The following EPC1 variants were observed in gnomAD, a reference collection of about 807,000 sequenced individuals.
The protein encoded by EPC1 is enhancer of polycomb homolog 1.
In EPC1, 12 loss-of-function variants were observed where a neutral mutation model predicts 98.4. That is an observed-to-expected ratio of 0.12 (90% CI 0.08 to 0.20). EPC1 has a LOEUF of 0.20. EPC1 is among the 10% of genes least tolerant of loss of function. The pLI is 1.00. For missense variants in EPC1, 729 were observed against 990.5 expected, an observed-to-expected ratio of 0.74 and a Z score of 3.54; for synonymous variants, 357 against 363.9, an observed-to-expected ratio of 0.98 and a Z score of 0.21.
intron 1 of EPC1, among the ~76,000 whole-genome samples, chr10:32,319,432 GACCATACTTTC>G (rs1043612081): frequency 3.9e-5 from 6 of 152,248 alleles, no homozygotes; most frequent in Middle Eastern, 3.4e-3. Flanking sequence ...GGAGAAACTG[GACCATACTTTC>G]ACCAGATGGT....
intron 1 of EPC1, among the ~76,000 whole-genome samples, chr10:32,316,469 G>A (rs901107404): frequency 3.3e-5 from 5 of 152,144 alleles, no homozygotes; most frequent in Non-Finnish European, 7.3e-5. Flanking sequence ...AAGCCATACA[G>A]CAGACTACTA....
At position 32,268,443 on chromosome 10, in the gene EPC1, T is replaced by A; in HGVS notation, c.*620A>T. 1 of 690 alleles carries A rather than the reference T, an allele frequency of 1.4e-3. No individual in the cohort carries two copies. Among genetic ancestry groups the A allele is most frequent in the Admixed American group, 0.033 (1 of 30 alleles). 0.0% of individuals were successfully genotyped at this position (690 alleles called of 1,614,324 possible). A position where few individuals can be genotyped will look rare whatever the true frequency, so the allele number is the denominator to read the frequency against. ...CATTTTTAAAAAAACTGATGCCTTT[T>A]TTTTTTTTTTTTTTTTTGTAAAATT... On this transcript the variant is annotated 3_prime_UTR_variant, in exon 14 of 14. Transcript: ENST00000319778.
intron 13 of EPC1, among the ~76,000 whole-genome samples, chr10:32,270,356 T>G (rs1413877612): frequency 6.6e-6 from 1 of 152,218 alleles, no homozygotes; most frequent in Non-Finnish European, 1.5e-5. Flanking sequence ...CTTTTGTTTC[T>G]CCCACAGTAC....
intron 1 of EPC1, among the ~76,000 whole-genome samples, chr10:32,315,055 C>CT (rs1176349062): frequency 1.3e-5 from 2 of 152,218 alleles, no homozygotes; most frequent in Non-Finnish European, 2.9e-5. Flanking sequence ...AATGTGAGCT[C>CT]TTTAAGAGTA....
intron 6 of EPC1, among the ~76,000 whole-genome samples, chr10:32,290,519 A>AAGAAAGAAAGAAAAACT (rs1836951431): frequency 1.3e-5 from 2 of 149,564 alleles, no homozygotes; most frequent in Non-Finnish European, 3.0e-5. Context: ...GAAAGAAAGA[A>AAGAAAGAAAGAAAAACT]AAACTCATCT....
intron 2 of EPC1, among the ~76,000 whole-genome samples, chr10:32,297,910 G>A (rs548053209): frequency 2.2e-4 from 33 of 152,114 alleles, no homozygotes; most frequent in East Asian, 1.4e-3. Context: ...CCATTCTCCT[G>A]CCTCGGCCTC....
intron 1 of EPC1, among the ~76,000 whole-genome samples, chr10:32,360,814 A>C (rs1182449380): frequency 6.6e-6 from 1 of 151,994 alleles, no homozygotes; most frequent in Non-Finnish European, 1.5e-5. Context: ...GAATTGCTTG[A>C]ACCCAGGAGG....
At chr10:32,358,141 C>T (rs1192072051) in intron 1 of EPC1, among the ~76,000 whole-genome samples, 4 of 152,136 alleles carry the variant, frequency 2.6e-5, no homozygotes, top group African/African-American at 9.7e-5. Flanking sequence ...AGGCATGAGC[C>T]ATCACGCCCA....
chr10:32,292,576 A>G lies in EPC1; in HGVS notation c.735T>C (p.Val245=). The G allele has an allele frequency of 6.2e-7, 1 of 1,609,266 alleles. No homozygotes were observed. The part of the protein sequence containing the change: ...LKLRRDLSRA[V]TILEMIKRRE... ...TTCTTTTTATCATCTCTAGAATAGTAACAGCTCGACTTAGATCTCGTCGCA... is the reference window on the plus strand; with the variant it reads ...TTCTTTTTATCATCTCTAGAATAGTGACAGCTCGACTTAGATCTCGTCGCA... The change falls in exon 5 of 14, where the codon GTT becomes GTC. Residue 245 remains valine (V), a synonymous_variant. Coordinates refer to ENST00000319778, the MANE Select transcript of EPC1 (RefSeq NM_001272004.3).
At position 32,332,947 on chromosome 10, in the gene EPC1, TAGAAA is replaced by T. The variant is rs544793570; in HGVS notation, c.153+13811_153+13815del. ...GTATTTCATAAGGCTACAAGGAGAA[TAGAAA>T]AGTGAGGTAGATGTTATTGGAAACT... On this transcript the variant is annotated intron_variant, in intron 1 of 13. Transcript: ENST00000319778. Among the ~76,000 whole-genome samples, 27 of 152,196 alleles carry T rather than the reference TAGAAA, an allele frequency of 1.8e-4. No individual in the cohort carries two copies. The East Asian group carries it at 4.8e-3, about 27-fold the overall frequency.
At chr10:32,348,793 A>C (rs757660079), upstream of EPC1, among the ~76,000 whole-genome samples, 1 of 152,228 alleles carries the variant, frequency 6.6e-6, no homozygotes, top group Non-Finnish European at 1.5e-5. Context: ...GGCAACTGCC[A>C]CACGGCGAGC....
chr10:32,287,037 T>A (rs1216194070), intron 7 of EPC1, 22 bp from the exon 8 acceptor site: 12 of 1,613,502 alleles, frequency 7.4e-6, no homozygotes, highest in Middle Eastern at 1.7e-4. Flanking sequence ...ATAAAGAAAG[T>A]AGGTCAGATA....
intron 10 of EPC1, among the ~76,000 whole-genome samples, chr10:32,278,617 G>A (rs532758843): frequency 6.6e-6 from 1 of 152,012 alleles, no homozygotes; most frequent in East Asian, 1.9e-4. Context: ...TCCTGACCTC[G>A]TTACTTTGTT....
At chr10:32,300,092 T>C (rs1345775654) in intron 2 of EPC1, among the ~76,000 whole-genome samples, 1 of 151,958 alleles carries the variant, frequency 6.6e-6, no homozygotes, top group Non-Finnish European at 1.5e-5. Context: ...TTTGTATTTT[T>C]AGTAGAGACA....
chr10:32,275,271 CTT>C (rs1181334880), intron 10 of EPC1, among the ~76,000 whole-genome samples: 1 of 152,240 alleles, frequency 6.6e-6, no homozygotes, highest in Non-Finnish European at 1.5e-5. Flanking sequence ...AATCCTGAGT[CTT>C]TGAAGATCTT....
At chr10:32,378,414 A>G in intron 1 of EPC1, 1 of 1,208,986 alleles carries the variant, frequency 8.3e-7, no homozygotes, top group Non-Finnish European at 1.2e-6. Flanking sequence ...GTTTTGTTAG[A>G]AGAAACACAA....
At chr10:32,314,321 A>G (rs529426535) in intron 1 of EPC1, among the ~76,000 whole-genome samples, 2 of 152,306 alleles carry the variant, frequency 1.3e-5, no homozygotes, top group East Asian at 3.9e-4. Flanking sequence ...ACTGAACAAC[A>G]ATCTTTAGAA....
intron 1 of EPC1, among the ~76,000 whole-genome samples, chr10:32,336,159 C>T (rs2505401): frequency 0.65 from 98,652 of 150,874 alleles, 32,699 homozygotes; most frequent in Middle Eastern, 0.78. Flanking sequence ...ACTCCCACCT[C>T]CCAGGTTCAA....
chr10:32,346,240 G>A (rs563363247), intron 1 of EPC1, among the ~76,000 whole-genome samples: 2 of 152,320 alleles, frequency 1.3e-5, no homozygotes, highest in South Asian at 4.1e-4. Flanking sequence ...AGCCCAACAA[G>A]CTTCCCAGAC....
Sources: gnomAD v4.1 joint callset for allele counts (sites outside exome capture counted in the v4.1 genomes callset) on GRCh38, gnomAD v4.1.1 for gene constraint, MANE v1.5 for transcripts, NCBI Gene and HGNC (gene_info 2026-07-23, HGNC 2026-07-21) for gene names.